Variants in TRDMT1 observed in about 807,000 individuals in gnomAD.
The protein encoded by TRDMT1 is tRNA aspartic acid methyltransferase 1, also known as tRNA (cytosine(38)-C(5))-methyltransferase.
A neutral mutation model predicts 51.2 loss-of-function variants in TRDMT1; 49 were observed. The observed-to-expected ratio is 0.96, with a 90% CI of 0.76 to 1.21. The LOEUF is 1.21. Among genes scored for constraint, TRDMT1 ranks in the 50% most tolerant of loss-of-function variants. The pLI is 0.00. For synonymous variants in TRDMT1, 187 were observed against 164.6 expected, an observed-to-expected ratio of 1.14 and a Z score of -1.04; for missense variants, 534 against 462.3, an observed-to-expected ratio of 1.16 and a Z score of -1.42.
intron 1 of TRDMT1, among the ~76,000 whole-genome samples, chr10:17,176,883 T>C (rs923081848): frequency 2.6e-5 from 4 of 152,204 alleles, no homozygotes; most frequent in Non-Finnish European, 5.9e-5. Flanking sequence ...TTTGAAAATG[T>C]ATAATTAAAA....
At chr10:17,168,787 T>C (rs1841567592) in intron 3 of TRDMT1, 54 bp downstream of exon 3, 1 of 1,314,336 alleles carries the variant, frequency 7.6e-7, no homozygotes, top group Non-Finnish European at 1.1e-6. Context: ...GGTATGTCTT[T>C]ATCAGCAGCA....
In TRDMT1 at chr10:17,144,190, C is replaced by G; in HGVS notation, c.*4850G>C. 1 of 985,748 alleles carries G rather than the reference C, an allele frequency of 1.0e-6. No individual in the cohort carries two copies. The highest frequency in any genetic ancestry group is 1.1e-4 in the East Asian group (1 of 8,816). The allele number at this position is 985,748 out of a possible 1,614,324, so 61.1% of individuals were successfully genotyped here. On this transcript the variant is annotated 3_prime_UTR_variant, in exon 11 of 11. Coordinates refer to ENST00000377799, the MANE Select transcript of TRDMT1 (RefSeq NM_004412.7). Reference sequence around the variant, plus strand: ...TCTTTCTCTCTTTCACTCTCATCCTCTGACCCTCTAGGTGATCTCATCTGA... The same window carrying G: ...TCTTTCTCTCTTTCACTCTCATCCTGTGACCCTCTAGGTGATCTCATCTGA...
rs1349465885 is a variant in TRDMT1 at position 17,168,937 on chromosome 10, G to C, written c.175-20C>G. On this transcript the variant is annotated intron_variant, in intron 2 of 10. Coordinates refer to ENST00000377799, the MANE Select transcript of TRDMT1 (RefSeq NM_004412.7). ...AATGCCCTGAGGAATGAACATTTAG[G>C]GGGAAAAAAGAACATAAAAACATGG... is the stretch of plus-strand genomic sequence containing the variant. 6.5e-7 allele frequency: 1 copy of C among 1,530,266 alleles called. No homozygotes were observed. The allele number at this position is 1,530,266 out of a possible 1,614,324, so 94.8% of individuals were successfully genotyped here. A position where few individuals can be genotyped will look rare whatever the true frequency, so the allele number is the denominator to read the frequency against.
At chr10:17,185,566 C>T (rs1031990533) in intron 1 of TRDMT1, among the ~76,000 whole-genome samples, 9 of 152,260 alleles carry the variant, frequency 5.9e-5, no homozygotes, top group African/African-American at 1.7e-4. Context: ...GGCATATACC[C>T]AAAGGATTAT....
chr10:17,144,124 C>A lies in TRDMT1; in HGVS notation c.*4916G>T, dbSNP rs1037820133. The A allele has an allele frequency of 9.1e-6, 9 of 985,282 alleles. No individual in the cohort carries two copies. Among genetic ancestry groups the A allele is most frequent in the Admixed American group, 6.2e-5 (1 of 16,258 alleles). 61.0% of individuals were successfully genotyped at this position (985,282 alleles called of 1,614,324 possible). A position where few individuals can be genotyped will look rare whatever the true frequency, so the allele number is the denominator to read the frequency against. Reference sequence around the variant, plus strand: ...GGTAGAAAGAGACCTGAGGACGGAACCTTCAGATAAGTCAGCTCCAAGCCT... The same window carrying A: ...GGTAGAAAGAGACCTGAGGACGGAAACTTCAGATAAGTCAGCTCCAAGCCT... On this transcript the variant is annotated 3_prime_UTR_variant, in exon 11 of 11. Transcript: ENST00000377799.
At chr10:17,197,631 A>T (rs995823120) in intron 1 of TRDMT1, among the ~76,000 whole-genome samples, 2 of 152,260 alleles carry the variant, frequency 1.3e-5, no homozygotes, top group African/African-American at 4.8e-5. Context: ...GATCCAGAAT[A>T]TATAAAGCCT....
intron 7 of TRDMT1, among the ~76,000 whole-genome samples, 188 bp from the exon 8 acceptor site, chr10:17,157,972 T>C (rs1839795373): frequency 6.6e-6 from 1 of 152,190 alleles, no homozygotes; most frequent in African/African-American, 2.4e-5. Context: ...AGCTATATTG[T>C]CATCAGGCTG....
intron 1 of TRDMT1, among the ~76,000 whole-genome samples, chr10:17,181,306 G>A (rs1482266375): frequency 6.6e-6 from 1 of 152,128 alleles, no homozygotes; most frequent in Non-Finnish European, 1.5e-5. Context: ...GGACCATGAA[G>A]GCTGATCCGT....
Position 17,139,155 on chromosome 10 carries a change from G to T in TRDMT1, c.*9885C>A, listed in dbSNP as rs538346372. 1 of 984,440 alleles carries T rather than the reference G, an allele frequency of 1.0e-6. No individual in the cohort carries two copies. Among genetic ancestry groups the T allele is most frequent in the African/African-American group, 1.7e-5 (1 of 57,312 alleles). The allele number at this position is 984,440 out of a possible 1,614,324, so 61.0% of individuals were successfully genotyped here. ...TTTCCAAGGTGTGAAGCAATGAAGC[G>T]GAGTTTACCATAGGTGAACCCTCCT... On this transcript the variant is annotated 3_prime_UTR_variant, in exon 11 of 11. Transcript: ENST00000377799.
intron 1 of TRDMT1, among the ~76,000 whole-genome samples, chr10:17,179,057 C>T (rs1033011315): frequency 1.3e-5 from 2 of 151,886 alleles, no homozygotes; most frequent in African/African-American, 4.8e-5. Flanking sequence ...AAAAAAGGAG[C>T]ACAGTGAAGG....
rs1426316283 is a variant in TRDMT1, at chr10:17,140,609, G to A, written c.*8431C>T. The stretch of plus-strand genomic sequence containing the variant: ...TTACATAGCATCAAGATGCAAATGA[G>A]GTAGCAACTTACAAGCTTACAATGA... On this transcript the variant is annotated 3_prime_UTR_variant, in exon 11 of 11. Coordinates refer to ENST00000377799, the MANE Select transcript of TRDMT1 (RefSeq NM_004412.7). Among the ~76,000 whole-genome samples the A allele has an allele frequency of 6.6e-6, 1 of 152,050 alleles. No individual in the cohort carries two copies. The highest frequency in any genetic ancestry group is 1.5e-5 in the Non-Finnish European group (1 of 68,008).
At chr10:17,176,762 C>T (rs1417297592) in intron 1 of TRDMT1, among the ~76,000 whole-genome samples, 2 of 152,184 alleles carry the variant, frequency 1.3e-5, no homozygotes, top group Non-Finnish European at 2.9e-5. Context: ...CCTGTCAATT[C>T]TGTCAAAATC....
rs1194205446 is a variant in TRDMT1, at chr10:17,155,850, A to T, written c.888-1116T>A. Among the ~76,000 whole-genome samples the T allele has an allele frequency of 2.0e-5, 3 of 152,188 alleles. No individual in the cohort carries two copies. The East Asian group carries it at 5.8e-4, about 29-fold the overall frequency. On this transcript the variant is annotated intron_variant, in intron 8 of 10. Coordinates refer to ENST00000377799, the MANE Select transcript of TRDMT1 (RefSeq NM_004412.7). ...GTATATACACACAGTATCTATACCA[A>T]AATAAATTTTACCATCAGGCTCCTT... is the stretch of plus-strand genomic sequence containing the variant.
At chr10:17,149,340 A>C (rs1838399174) in intron 10 of TRDMT1, among the ~76,000 whole-genome samples, 200 bp from the exon 11 acceptor site, 1 of 152,162 alleles carries the variant, frequency 6.6e-6, no homozygotes, top group Non-Finnish European at 1.5e-5. Flanking sequence ...AGATAGTAAC[A>C]CATCACATTA....
chr10:17,198,745 A>G (rs1453113092), intron 1 of TRDMT1, among the ~76,000 whole-genome samples: 1 of 152,238 alleles, frequency 6.6e-6, no homozygotes, highest in African/African-American at 2.4e-5. Flanking sequence ...CAACATTGTG[A>G]ATGTACTTAA....
In TRDMT1 at chr10:17,160,480, G is replaced by GT. The variant is rs199556316; in HGVS notation, c.390-107_390-106insA. 5,384 of 759,810 alleles carry GT rather than the reference G, an allele frequency of 7.1e-3. 171 individuals carry two copies. The African/African-American group carries it at 0.08, about 11-fold the overall frequency. The allele number at this position is 759,810 out of a possible 1,614,324, so 47.1% of individuals were successfully genotyped here. ...CTTTTGTTTGTTTTCTTGTTTTTTT[G>GT]GTTTTTTTTGAGACAGAGTCTCACT... On this transcript the variant is annotated intron_variant, in intron 5 of 10. Coordinates refer to ENST00000377799, the MANE Select transcript of TRDMT1 (RefSeq NM_004412.7).
rs958785642 is a variant in TRDMT1 at position 17,139,146 on chromosome 10, C to A, written c.*9894G>T. 5.1e-6 allele frequency: 5 copies of A among 983,272 alleles called. No individual in the cohort carries two copies. The highest frequency in any genetic ancestry group is 6.0e-6 in the Non-Finnish European group (5 of 828,140). 60.9% of individuals were successfully genotyped at this position (983,272 alleles called of 1,614,324 possible). On this transcript the variant is annotated 3_prime_UTR_variant, in exon 11 of 11. Transcript: ENST00000377799. ...CAAGCTTGGTTTCCAAGGTGTGAAGCAATGAAGCGGAGTTTACCATAGGTG... is the reference window on the plus strand; with the variant it reads ...CAAGCTTGGTTTCCAAGGTGTGAAGAAATGAAGCGGAGTTTACCATAGGTG...
intron 2 of TRDMT1, among the ~76,000 whole-genome samples, chr10:17,169,843 C>T (rs970454374): frequency 2.0e-5 from 3 of 152,162 alleles, no homozygotes; most frequent in Non-Finnish European, 4.4e-5. Flanking sequence ...AAAGATACAT[C>T]TGTGAAAATG....
intron 8 of TRDMT1, among the ~76,000 whole-genome samples, chr10:17,155,301 A>G (rs1419653874): frequency 6.6e-6 from 1 of 152,228 alleles, no homozygotes; most frequent in African/African-American, 2.4e-5. Context: ...ATGATGAAAT[A>G]TAAATTGTCA....
Sources: gnomAD v4.1 joint callset for allele counts (sites outside exome capture counted in the v4.1 genomes callset) on GRCh38, gnomAD v4.1.1 for gene constraint, MANE v1.5 for transcripts, NCBI Gene and HGNC (gene_info 2026-07-23, HGNC 2026-07-21) for gene names.